UGT1A7: variants seen among roughly 807,000 people sequenced by gnomAD.
UGT1A7 encodes UDP glucuronosyltransferase family 1 member A7.
Under a neutral mutation model 45.6 loss-of-function variants are expected in UGT1A7, and 33 were observed. The ratio of observed to expected loss-of-function variants is 0.72; its 90% CI spans 0.55 to 0.97. The LOEUF (loss-of-function observed/expected upper bound fraction) is 0.97. UGT1A7 is among the 50% of genes least tolerant of loss of function. UGT1A7 has a pLI of 0.00. For missense variants in UGT1A7, 684 were observed against 666.2 expected, an observed-to-expected ratio of 1.03 and a Z score of -0.29; for synonymous variants, 274 against 250.6, an observed-to-expected ratio of 1.09 and a Z score of -0.88.
rs1217808254 is a variant in UGT1A7 at position 233,763,370 on chromosome 2, A to G, written c.856-3664A>G. On this transcript the variant is annotated intron_variant, in intron 1 of 4. Coordinates refer to ENST00000373426, the MANE Select transcript of UGT1A7 (RefSeq NM_019077.3). ...ACATCTTTAGTACTCCTTTGTCTTC[A>G]AGCTTTCTTCCTTTTTAAACAACAT... is the stretch of plus-strand genomic sequence containing the variant. Among the ~76,000 whole-genome samples the G allele has an allele frequency of 3.3e-5, 5 of 152,290 alleles. No homozygotes were observed. The East Asian group carries it at 9.6e-4, about 29-fold the overall frequency.
intron 1 of UGT1A7, among the ~76,000 whole-genome samples, chr2:233,710,797 C>T (rs544342575): frequency 6.6e-6 from 1 of 152,298 alleles, no homozygotes; most frequent in African/African-American, 2.4e-5. Context: ...GTGTTTTGTA[C>T]CCCTCGTGCC....
At chr2:233,761,234 G>A in intron 1 of UGT1A7, 1 of 1,612,826 alleles carries the variant, frequency 6.2e-7, no homozygotes, top group Non-Finnish European at 8.5e-7. Flanking sequence ...CCAGATATAT[G>A]CTGAGCAAGC....
At chr2:233,754,276 G>A (rs906718442) in intron 1 of UGT1A7, 4 of 190,364 alleles carry the variant, frequency 2.1e-5, no homozygotes, top group Admixed American at 1.6e-4. Context: ...AAAGTGCTGA[G>A]ATGAACATTC....
rs761652085 is a variant in UGT1A7, at chr2:233,739,540, G to A, written c.856-27494G>A. On this transcript the variant is annotated intron_variant, in intron 1 of 4. Transcript: ENST00000373426. ...TGAAGTCAAGGGAGATTATTTTGGA[G>A]CTTTAAGATTTAATGACTGCCCTGC... Among the ~76,000 whole-genome samples, 14 of 152,360 alleles carry A rather than the reference G, an allele frequency of 9.2e-5. No homozygotes were observed. The South Asian group carries it at 2.1e-3, about 23-fold the overall frequency.
intron 1 of UGT1A7, among the ~76,000 whole-genome samples, chr2:233,745,707 T>C (rs1693180198): frequency 6.9e-6 from 1 of 145,768 alleles, no homozygotes; most frequent in African/African-American, 2.6e-5. Flanking sequence ...CAACAAGTGA[T>C]CCAGAATGGC....
chr2:233,734,914 A>G (rs7576166), intron 1 of UGT1A7, among the ~76,000 whole-genome samples: 69,332 of 152,022 alleles, frequency 0.46, 17,225 homozygotes, highest in African/African-American at 0.66. Context: ...TACATTTGCT[A>G]AGGAGTGCTT....
intron 1 of UGT1A7, chr2:233,743,214 G>T (rs1433363859): frequency 4.9e-6 from 2 of 406,726 alleles, no homozygotes; most frequent in Non-Finnish European, 9.7e-6. Context: ...CGGAGTAACT[G>T]CTCTTTGCTA....
In UGT1A7 at chr2:233,682,701, C is replaced by T. The variant is rs543841942; in HGVS notation, c.764C>T (p.Thr255Ile). 3.1e-6 allele frequency: 5 copies of T among 1,613,766 alleles called. No homozygotes were observed. Among genetic ancestry groups the T allele is most frequent in the South Asian group, 2.2e-5 (2 of 91,066 alleles). ...YSHTSIWLLR[T>I]DFVLEYPKPV... ...CACACATCAATTTGGTTGTTGCGAACTGACTTTGTTTTGGAGTATCCCAAA... is the reference window on the plus strand; with the variant it reads ...CACACATCAATTTGGTTGTTGCGAATTGACTTTGTTTTGGAGTATCCCAAA... Residue 255 changes from threonine (T) to isoleucine (I), a missense_variant, in exon 1 of 5, where the codon ACT becomes ATT. Transcript: ENST00000373426.
At chr2:233,685,128 C>T (rs901416768) in intron 1 of UGT1A7, among the ~76,000 whole-genome samples, 1 of 152,126 alleles carries the variant, frequency 6.6e-6, no homozygotes, top group African/African-American at 2.4e-5. Flanking sequence ...AGGTGAATTA[C>T]ATCCAGGGAT....
chr2:233,709,732 ATAC>A (rs1331769272), intron 1 of UGT1A7, among the ~76,000 whole-genome samples: 2 of 152,330 alleles, frequency 1.3e-5, no homozygotes, highest in East Asian at 1.9e-4. Flanking sequence ...TTTTCAATTG[ATAC>A]TACTAAAATA....
chr2:233,724,359 C>T (rs1387977005), intron 1 of UGT1A7, among the ~76,000 whole-genome samples: 12 of 146,792 alleles, frequency 8.2e-5, no homozygotes, highest in South Asian at 2.3e-4. Context: ...ACCTCCCTCC[C>T]GGACGGGGTG....
chr2:233,683,343 A>G (rs1255064988), intron 1 of UGT1A7, among the ~76,000 whole-genome samples: 1 of 152,188 alleles, frequency 6.6e-6, no homozygotes, highest in African/African-American at 2.4e-5. Flanking sequence ...ATTGCATGGT[A>G]GTCTTTACTT....
intron 1 of UGT1A7, chr2:233,743,033 G>A: frequency 3.8e-6 from 1 of 265,158 alleles, no homozygotes; most frequent in Non-Finnish European, 7.4e-6. Context: ...ACAAACAGAG[G>A]TCCTATCCGT....
At chr2:233,712,888 T>C in intron 1 of UGT1A7, 6 of 1,603,412 alleles carry the variant, frequency 3.7e-6, no homozygotes, top group Non-Finnish European at 5.1e-6. Flanking sequence ...CAATTACATG[T>C]TGATTTGCTA....
At chr2:233,688,312 T>C (rs1389138733) in intron 1 of UGT1A7, among the ~76,000 whole-genome samples, 1 of 152,236 alleles carries the variant, frequency 6.6e-6, no homozygotes, top group African/African-American at 2.4e-5. Context: ...CATTCATCAG[T>C]TGGTGGACAT....
intron 1 of UGT1A7, among the ~76,000 whole-genome samples, chr2:233,733,323 T>C (rs921178929): frequency 2.6e-5 from 4 of 152,220 alleles, no homozygotes; most frequent in African/African-American, 9.6e-5. Flanking sequence ...CTGATTGCCC[T>C]GGCCAGAACT....
At chr2:233,731,558 G>C (rs955136214) in intron 1 of UGT1A7, among the ~76,000 whole-genome samples, 5 of 152,170 alleles carry the variant, frequency 3.3e-5, no homozygotes, top group Non-Finnish European at 5.9e-5. Context: ...CCATGTGATA[G>C]TTTGCTGAGA....
intron 1 of UGT1A7, chr2:233,719,342 G>T (rs1239122112): frequency 6.2e-7 from 1 of 1,613,870 alleles, no homozygotes. Flanking sequence ...TTTTTTGGAG[G>T]TACATTCCAT....
chr2:233,742,517 C>A (rs1053081898), intron 1 of UGT1A7, among the ~76,000 whole-genome samples: 5 of 151,892 alleles, frequency 3.3e-5, no homozygotes, highest in African/African-American at 1.2e-4. Context: ...GAACACGTCA[C>A]AGTGCTGCAG....
Sources: allele counts gnomAD v4.1 joint callset (sites outside exome capture counted in the v4.1 genomes callset), GRCh38; gene constraint gnomAD v4.1.1; transcripts MANE v1.5; gene names NCBI Gene and HGNC (gene_info 2026-07-23, HGNC 2026-07-21).